The following GLCE variants were observed in gnomAD, a reference collection of about 807,000 sequenced individuals.
The protein encoded by GLCE is glucuronic acid epimerase, also known as D-glucuronyl C5-epimerase.
A neutral mutation model predicts 47.9 loss-of-function variants in GLCE; 19 were observed. That is an observed-to-expected ratio of 0.40 (90% confidence interval 0.28 to 0.58). The LOEUF is 0.58. GLCE is among the 20% of genes least tolerant of loss of function. The pLI, the probability that GLCE is intolerant of heterozygous loss-of-function variation, is 0.48. For synonymous variants in GLCE, 245 were observed against 263.4 expected, an observed-to-expected ratio of 0.93 and a Z score of 0.68; for missense variants, 556 against 743.3, an observed-to-expected ratio of 0.75 and a Z score of 2.93.
chr15:69,182,017 T>A (rs1435053548), intron 1 of GLCE, among the ~76,000 whole-genome samples: 1 of 151,480 alleles, frequency 6.6e-6, no homozygotes, highest in Non-Finnish European at 1.5e-5. Flanking sequence ...GGTTTGAGAG[T>A]TTGTAGAAGT....
intron 2 of GLCE, among the ~76,000 whole-genome samples, chr15:69,217,926 C>T (rs891186553): frequency 5.9e-5 from 9 of 151,916 alleles, no homozygotes; most frequent in Non-Finnish European, 7.4e-5. Flanking sequence ...GAGGCTGAGG[C>T]GGGCAGATCA....
At chr15:69,172,194 ATG>A (rs929696293) in intron 1 of GLCE, among the ~76,000 whole-genome samples, 18 of 152,182 alleles carry the variant, frequency 1.2e-4, no homozygotes, top group Admixed American at 3.3e-4. Flanking sequence ...CTGCTGAAGT[ATG>A]TACAATATGG....
At chr15:69,222,118 C>G (rs2052385276) in intron 2 of GLCE, among the ~76,000 whole-genome samples, 1 of 152,182 alleles carries the variant, frequency 6.6e-6, no homozygotes, top group Non-Finnish European at 1.5e-5. Flanking sequence ...GGGCTGCATG[C>G]TCTAACTCTG....
intron 1 of GLCE, among the ~76,000 whole-genome samples, chr15:69,191,865 C>G (rs193299653): frequency 1.1e-3 from 168 of 152,072 alleles, no homozygotes; most frequent in African/African-American, 3.9e-3. Flanking sequence ...ACTAGGTTGC[C>G]TTGTTTTTTT....
chr15:69,175,754 CCTTCTTCA>C (rs2051653367), intron 1 of GLCE, among the ~76,000 whole-genome samples: 1 of 152,156 alleles, frequency 6.6e-6, no homozygotes, highest in Non-Finnish European at 1.5e-5. Flanking sequence ...GATCTGTTTG[CCTTCTTCA>C]CTGAAGCTAA....
chr15:69,262,696 C>G (rs2093593497), intron 4 of GLCE, among the ~76,000 whole-genome samples: 1 of 152,106 alleles, frequency 6.6e-6, no homozygotes, highest in Non-Finnish European at 1.5e-5. Flanking sequence ...CATTCTGTAG[C>G]CAGTAGCTGG....
At chr15:69,258,252 G>T (rs776328393) in intron 3 of GLCE, among the ~76,000 whole-genome samples, 1 of 151,890 alleles carries the variant, frequency 6.6e-6, no homozygotes, top group Non-Finnish European at 1.5e-5. Context: ...GCAGTATTTG[G>T]TTTTCTGTTC....
At position 69,226,704 on chromosome 15, in the gene GLCE, C is replaced by T. The variant is rs148653281; in HGVS notation, c.-14+16298C>T. 4.9e-4 allele frequency among the ~76,000 whole-genome samples: 67 copies of T among 137,990 alleles called. 1 individual carries two copies. Among genetic ancestry groups the T allele is most frequent in the African/African-American group, 1.8e-3 (65 of 36,684 alleles). The allele number at this position is 137,990 out of a possible 152,430, so 90.5% of individuals were successfully genotyped here. A position where few individuals can be genotyped will look rare whatever the true frequency, so the allele number is the denominator to read the frequency against. On this transcript the variant is annotated intron_variant, in intron 2 of 4. Transcript: ENST00000261858. ...AGGACTTTTAATATAGATTTCATAT[C>T]TTCAGCCAGAGTGAGCTTGCTTGCT...
chr15:69,260,266 T>G (rs1016755123), intron 3 of GLCE, among the ~76,000 whole-genome samples: 3 of 144,566 alleles, frequency 2.1e-5, no homozygotes, highest in Non-Finnish European at 3.0e-5. Flanking sequence ...TTTTTTTTTT[T>G]TTTTTTTTTT....
intron 2 of GLCE, among the ~76,000 whole-genome samples, chr15:69,234,793 C>T (rs1373692986): frequency 6.6e-6 from 1 of 152,130 alleles, no homozygotes; most frequent in Non-Finnish European, 1.5e-5. Context: ...AATTGTGCAG[C>T]TGGGAAATCT....
At chr15:69,169,088 A>C (rs1366408269) in intron 1 of GLCE, among the ~76,000 whole-genome samples, 2 of 152,242 alleles carry the variant, frequency 1.3e-5, no homozygotes, top group Non-Finnish European at 2.9e-5. Flanking sequence ...AATTCATATA[A>C]GTGGAATCAA....
At chr15:69,230,668 A>G (rs1410215028) in intron 2 of GLCE, among the ~76,000 whole-genome samples, 1 of 152,236 alleles carries the variant, frequency 6.6e-6, no homozygotes, top group Non-Finnish European at 1.5e-5. Flanking sequence ...TGCACATTCT[A>G]TTCTAAGTGT....
chr15:69,243,812 A>T (rs2052709158), intron 2 of GLCE, among the ~76,000 whole-genome samples: 1 of 118,114 alleles, frequency 8.5e-6, no homozygotes, highest in African/African-American at 3.2e-5. Context: ...GAATAAAATA[A>T]TTTTTTTAAA....
chr15:69,254,296 A>G (rs1254253368), intron 2 of GLCE, among the ~76,000 whole-genome samples: 1 of 152,160 alleles, frequency 6.6e-6, no homozygotes, highest in African/African-American at 2.4e-5. Context: ...ATCCCAGCAA[A>G]AAGTAACCCA....
chr15:69,245,257 C>G (rs1431467828), intron 2 of GLCE, among the ~76,000 whole-genome samples: 17 of 150,990 alleles, frequency 1.1e-4, no homozygotes, highest in Admixed American at 1.1e-3. Context: ...CGCTTGAACC[C>G]CGGAGTTAGA....
chr15:69,232,293 T>C (rs2052535874), intron 2 of GLCE, among the ~76,000 whole-genome samples: 2 of 152,200 alleles, frequency 1.3e-5, no homozygotes, highest in African/African-American at 4.8e-5. Flanking sequence ...TTCTAACATA[T>C]AGTGCTGATC....
intron 2 of GLCE, among the ~76,000 whole-genome samples, chr15:69,212,328 G>A (rs565918730): frequency 6.6e-6 from 1 of 151,786 alleles, no homozygotes; most frequent in South Asian, 2.1e-4. Context: ...TCCCTGATTT[G>A]TGTTCTAGTT....
At position 69,167,055 on chromosome 15, in the gene GLCE, A is replaced by C. The variant is rs374102265; in HGVS notation, c.-105+6298A>C. On this transcript the variant is annotated intron_variant, in intron 1 of 4. Coordinates refer to ENST00000261858, the MANE Select transcript of GLCE (RefSeq NM_015554.3). The stretch of plus-strand genomic sequence containing the variant: ...ACATGGTGAAACCCCGTCTCTACTA[A>C]AAATACAAAAATTAGCCAGGTGTGG... Among the ~76,000 whole-genome samples the C allele has an allele frequency of 2.6e-5, 4 of 152,000 alleles. No individual in the cohort carries two copies. The East Asian group carries it at 7.7e-4, about 29-fold the overall frequency.
At chr15:69,240,414 T>A (rs1209073217) in intron 2 of GLCE, among the ~76,000 whole-genome samples, 3 of 151,764 alleles carry the variant, frequency 2.0e-5, no homozygotes, top group African/African-American at 7.3e-5. Flanking sequence ...ACTCTTGATA[T>A]AAAAGGTTAC....
Sources: gnomAD v4.1 joint callset for allele counts (sites outside exome capture counted in the v4.1 genomes callset) on GRCh38, gnomAD v4.1.1 for gene constraint, MANE v1.5 for transcripts, NCBI Gene and HGNC (gene_info 2026-07-23, HGNC 2026-07-21) for gene names.